The following DET1 variants were observed in gnomAD, a reference collection of about 807,000 sequenced individuals.
DET1 encodes the protein DET1 partner of COP1 E3 ubiquitin ligase.
DET1 carries 22 observed loss-of-function variants against 43.7 expected under a neutral mutation model. The ratio of observed to expected loss-of-function variants is 0.50; its 90% CI spans 0.36 to 0.72. The LOEUF (loss-of-function observed/expected upper bound fraction) is 0.72, where lower values mean the gene tolerates loss of function less well. Ranked by LOEUF, DET1 falls within the 30% of genes least tolerant of loss-of-function variation. The pLI, the probability that DET1 is intolerant of heterozygous loss-of-function variation, is 0.00. For missense variants in DET1, 713 were observed against 713.3 expected (o/e 1.00, Z 0.00); for synonymous variants, 315 against 266.2 (o/e 1.18, Z -1.79).
chr15:88,538,967 C>T (rs945716235), intron 1 of DET1, among the ~76,000 whole-genome samples: 12 of 152,026 alleles, frequency 7.9e-5, no homozygotes, highest in Admixed American at 2.0e-4. Flanking sequence ...CTGGGTTGAG[C>T]CTTGGTTTTC....
At chr15:88,534,796 C>A (rs963124693) in intron 1 of DET1, among the ~76,000 whole-genome samples, 1 of 152,184 alleles carries the variant, frequency 6.6e-6, no homozygotes, top group Admixed American at 6.5e-5. Context: ...TGCAAATTCC[C>A]TGAAGCTAAT....
Position 88,531,537 on chromosome 15 carries a change from T to G in DET1, c.169A>C (p.Lys57Gln). ...FPNFTVVNVE[K>Q]PPCFLRKFSP... ...AATTTACGCAAGAAACAAGGAGGCT[T>G]TTCAACGTTGACAACTGTGAAGTTG... The change falls in exon 2 of 5, where the codon AAG becomes CAG. Residue 57 changes from lysine to glutamine, a missense_variant. Coordinates refer to ENST00000268148, the MANE Select transcript of DET1 (RefSeq NM_001144074.3). The surrounding 1 kb of genome is among the most constrained non-coding windows in gnomAD (Gnocchi z 6.2). 1 of 1,613,970 alleles carries G rather than the reference T, an allele frequency of 6.2e-7. No individual in the cohort carries two copies. Among genetic ancestry groups the G allele is most frequent in the Non-Finnish European group, 8.5e-7 (1 of 1,179,890 alleles).
intron 1 of DET1, among the ~76,000 whole-genome samples, chr15:88,540,154 A>G (rs1363315428): frequency 6.6e-6 from 1 of 152,038 alleles, no homozygotes; most frequent in African/African-American, 2.4e-5. Context: ...AACCCTTGAA[A>G]GAAAGAGCTA....
intron 1 of DET1, among the ~76,000 whole-genome samples, chr15:88,535,632 T>C (rs919722281): frequency 1.3e-5 from 2 of 152,006 alleles, no homozygotes; most frequent in Non-Finnish European, 2.9e-5. Flanking sequence ...GGTGTGCACT[T>C]GTAGTCACAG....
chr15:88,536,451 C>A, intron 1 of DET1: 2 of 656,944 alleles, frequency 3.0e-6, no homozygotes, highest in Non-Finnish European at 5.5e-6. Context: ...TTGGTATGAG[C>A]CTTGAAGAAT....
downstream of DET1, among the ~76,000 whole-genome samples, chr15:88,511,118 A>G (rs1161004902): frequency 1.8e-4 from 28 of 151,866 alleles, no homozygotes. Flanking sequence ...ATGCTTTGCA[A>G]CCCTACATTT....
Position 88,513,035 on chromosome 15 carries a change from G to C in DET1, c.1569C>G (p.His523Gln). ...CAGAAATAGCGAAAGGCTCAAAAGG[G>C]TGAAAGGTGAAGGCAACAAGGCGTC... ...TVRRLVAFTFHPFEPFAISVQ... is the reference protein window; with the variant it reads ...TVRRLVAFTFQPFEPFAISVQ... The change falls in exon 5 of 5, where the codon CAC becomes CAG. Residue 523 changes from histidine (H) to glutamine (Q), a missense_variant. His to Gln is a conservative substitution (Grantham distance 24, BLOSUM62 0). Coordinates refer to ENST00000268148, the MANE Select transcript of DET1 (RefSeq NM_001144074.3). 6.2e-7 allele frequency: 1 copy of C among 1,614,072 alleles called. No homozygotes were observed. The highest frequency in any genetic ancestry group is 8.5e-7 in the Non-Finnish European group (1 of 1,179,908).
chr15:88,518,092 C>T (rs1035404567), intron 3 of DET1, among the ~76,000 whole-genome samples: 1 of 145,612 alleles, frequency 6.9e-6, no homozygotes, highest in Non-Finnish European at 1.5e-5. Context: ...GTGCGTGCCA[C>T]CACACCCAGC....
chr15:88,521,588 G>A (rs11638513), intron 3 of DET1, among the ~76,000 whole-genome samples: 33,809 of 151,978 alleles, frequency 0.22, 4,827 homozygotes, highest in African/African-American at 0.4. Flanking sequence ...GGCTTCCTTA[G>A]AAAAGGTACA....
intron 1 of DET1, among the ~76,000 whole-genome samples, chr15:88,543,153 C>T (rs2057156253): frequency 6.6e-6 from 1 of 152,180 alleles, no homozygotes; most frequent in African/African-American, 2.4e-5. Flanking sequence ...ATCTGTTTGT[C>T]CATGAGAGCC....
intron 1 of DET1, among the ~76,000 whole-genome samples, chr15:88,542,822 CCT>C (rs61166648): frequency 0.011 from 1,677 of 152,234 alleles, 34 homozygotes; most frequent in African/African-American, 0.038. Context: ...GGTGAACAGG[CCT>C]CTCTAGGAAA....
chr15:88,511,527 A>G, downstream of DET1: 1 of 985,470 alleles, frequency 1.0e-6, no homozygotes, highest in Non-Finnish European at 1.2e-6. Flanking sequence ...ATCCAACTCC[A>G]GTGCTCTTCC....
chr15:88,503,009 A>C (rs758021179), intron 8 of DET1: 1 of 152,334 alleles, frequency 6.6e-6, no homozygotes, highest in East Asian at 1.9e-4. Context: ...CACACCTGTA[A>C]TCCCAGCACT....
chr15:88,538,810 G>A (rs2057019035), intron 1 of DET1, among the ~76,000 whole-genome samples: 1 of 152,190 alleles, frequency 6.6e-6, no homozygotes, highest in South Asian at 2.1e-4. Context: ...TACCATGTCA[G>A]TGCCTTAAAA....
downstream of DET1, among the ~76,000 whole-genome samples, chr15:88,510,669 G>C (rs900156011): frequency 6.6e-6 from 1 of 151,980 alleles, no homozygotes; most frequent in Non-Finnish European, 1.5e-5. Context: ...CCCGTCATCA[G>C]ATATCTTCAA....
intron 7 of DET1, among the ~76,000 whole-genome samples, chr15:88,506,579 T>C (rs1383199327): frequency 6.6e-6 from 1 of 152,274 alleles, no homozygotes; most frequent in East Asian, 1.9e-4. Flanking sequence ...CCGTTTATGC[T>C]GATTACCAAT....
At chr15:88,511,378 C>T, downstream of DET1, 1 of 983,424 alleles carries the variant, frequency 1.0e-6, no homozygotes, top group Non-Finnish European at 1.2e-6. Context: ...TGTTCAGTCA[C>T]ATTTCCCATC....
intron 4 of DET1, among the ~76,000 whole-genome samples, chr15:88,515,536 C>CT (rs2056318949): frequency 1.4e-4 from 2 of 14,588 alleles, no homozygotes; most frequent in Admixed American, 2.1e-3. Flanking sequence ...GAGACTCCGT[C>CT]TTATAAAAAA....
chr15:88,522,760 C>T (rs975017018), intron 3 of DET1, among the ~76,000 whole-genome samples: 3 of 151,952 alleles, frequency 2.0e-5, no homozygotes, highest in Admixed American at 2.0e-4. Context: ...CCTCATGATC[C>T]GCCTGCCTCA....
Sources: gnomAD v4.1 joint callset for allele counts (sites outside exome capture counted in the v4.1 genomes callset) on GRCh38, gnomAD v4.1.1 for gene constraint, Gnocchi (gnomAD v3.1) non-coding constraint, MANE v1.5 for transcripts, NCBI Gene and HGNC (gene_info 2026-07-23, HGNC 2026-07-21) for gene names.